CCNB3: variants seen among roughly 807,000 people sequenced by gnomAD.
The protein encoded by CCNB3 is cyclin B3.
Under a neutral mutation model 68.0 loss-of-function variants are expected in CCNB3, and 12 were observed. The observed-to-expected ratio is 0.18, with a 90% CI of 0.11 to 0.29. The LOEUF (loss-of-function observed/expected upper bound fraction) is 0.29. CCNB3 is among the 10% of genes least tolerant of loss of function. The pLI, the probability that CCNB3 is intolerant of heterozygous loss-of-function variation, is 1.00. For synonymous variants in CCNB3, 354 were observed against 388.9 expected (o/e 0.91, Z 1.06); for missense variants, 904 against 993.1 (o/e 0.91, Z 1.21).
At chrX:50,203,928 T>C, upstream of CCNB3, among the ~76,000 whole-genome samples, 1 of 111,384 alleles carries the variant, frequency 9.0e-6, no homozygotes, top group Non-Finnish European at 1.9e-5. Flanking sequence ...GTCAGGCTCT[T>C]CCCTTTTATA....
intron 5 of CCNB3, among the ~76,000 whole-genome samples, chrX:50,305,772 C>G (rs868912062): frequency 1.3e-5 from 1 of 77,193 alleles, no homozygotes; most frequent in Non-Finnish European, 2.4e-5. Context: ...TTTTTTCTTT[C>G]TTTCTTTTTT....
intron 5 of CCNB3, among the ~76,000 whole-genome samples, chrX:50,301,423 T>A (rs1936630054): frequency 8.9e-6 from 1 of 112,053 alleles, no homozygotes; most frequent in African/African-American, 3.2e-5. Context: ...TGCCTGGGTA[T>A]CAGCAGCGGT....
rs982715275 is a variant in CCNB3 at position 50,280,331 on chromosome X, A to G, written c.-112-4211A>G. ...ATATATAGAATATAGATTTAAATATACCTATATTCTAGTTCCTGGCACAAA... is the reference window on the plus strand; with the variant it reads ...ATATATAGAATATAGATTTAAATATGCCTATATTCTAGTTCCTGGCACAAA... On this transcript the variant is annotated intron_variant, in intron 1 of 12. Coordinates refer to ENST00000376042, the MANE Select transcript of CCNB3 (RefSeq NM_033031.3). 4.5e-4 allele frequency among the ~76,000 whole-genome samples: 46 copies of G among 102,247 alleles called. No individual in the cohort carries two copies. The South Asian group carries it at 0.019, about 41-fold the overall frequency. The allele number at this position is 102,247 out of a possible 115,157, so 88.8% of individuals were successfully genotyped here. A position where few individuals can be genotyped will look rare whatever the true frequency, so the allele number is the denominator to read the frequency against.
chrX:50,288,922 T>G (rs1557209747), intron 4 of CCNB3, 35 bp downstream of exon 4: 1 of 961,710 alleles, frequency 1.0e-6, no homozygotes, highest in Non-Finnish European at 1.5e-6. Context: ...GCTATGGTTT[T>G]GCATAAGGCT....
At chrX:50,279,862 C>G (rs1250925529) in intron 1 of CCNB3, among the ~76,000 whole-genome samples, 2 of 79,733 alleles carry the variant, frequency 2.5e-5, no homozygotes, top group Admixed American at 1.8e-4. Flanking sequence ...AATATATATA[C>G]TATATATAAA....
intron 8 of CCNB3, among the ~76,000 whole-genome samples, chrX:50,325,066 C>T (rs1385480395): frequency 9.0e-6 from 1 of 111,159 alleles, no homozygotes; most frequent in African/African-American, 3.3e-5. Context: ...CACTGAAGAA[C>T]TGTATTCTCT....
chrX:50,228,032 A>G, intron 1 of CCNB3, among the ~76,000 whole-genome samples: 1 of 88,202 alleles, frequency 1.1e-5, no homozygotes, highest in South Asian at 5.1e-4. Context: ...GAGAATATAT[A>G]TAGAGAGAAT....
At chrX:50,340,421 A>T (rs1012291102) in intron 8 of CCNB3, among the ~76,000 whole-genome samples, 7 of 112,732 alleles carry the variant, frequency 6.2e-5, no homozygotes, top group Non-Finnish European at 1.1e-4. Context: ...ATAAGGACAG[A>T]TTTTATTCTC....
chrX:50,292,214 C>T (rs1252541827), intron 4 of CCNB3, among the ~76,000 whole-genome samples: 1 of 110,636 alleles, frequency 9.0e-6, no homozygotes, highest in Non-Finnish European at 1.9e-5. Flanking sequence ...GTCAGTTGAC[C>T]TTATAACAAC....
At chrX:50,319,718 A>G (rs1021171338) in intron 8 of CCNB3, among the ~76,000 whole-genome samples, 2 of 111,996 alleles carry the variant, frequency 1.8e-5, no homozygotes, top group Non-Finnish European at 3.8e-5. Context: ...GACTTTAACT[A>G]TTAGTGTGAT....
rs139254834 is a variant in CCNB3 at position 50,310,254 on chromosome X, C to G, written c.2085C>G (p.Val695=). The part of the protein sequence containing the change: ...KSGSLFQEAL[V]LQEKTDAEED... ...GGTCCCTCTTCCAGGAGGCTTTGGT[C>G]TTGCAAGAGAAGACTGATGCCGAAG... The change falls in exon 6 of 13, where the codon GTC becomes GTG. Residue 695 remains valine (V), a synonymous_variant. Coordinates refer to ENST00000376042, the MANE Select transcript of CCNB3 (RefSeq NM_033031.3). The G allele has an allele frequency of 4.6e-5, 56 of 1,209,433 alleles. No individual in the cohort carries two copies. Among genetic ancestry groups the G allele is most frequent in the Non-Finnish European group, 8.9e-6 (8 of 894,768 alleles).
chrX:50,341,878 G>A (rs782643158), intron 8 of CCNB3: 1 of 188,934 alleles, frequency 5.3e-6, no homozygotes, highest in Non-Finnish European at 9.7e-6. Context: ...GGCAGCAAAT[G>A]GAGAAAGCAA....
At chrX:50,226,190 A>AATATATATAGACTATATATATTT (rs1935768861) in intron 1 of CCNB3, among the ~76,000 whole-genome samples, 3 of 28,647 alleles carry the variant, frequency 1.0e-4, no homozygotes, top group Non-Finnish European at 1.5e-4. Context: ...TAGATATATA[A>AATATATATAGACTATATATATTT]ATATATATAG....
At chrX:50,326,449 C>A (rs1242088638) in intron 8 of CCNB3, among the ~76,000 whole-genome samples, 3 of 111,329 alleles carry the variant, frequency 2.7e-5, no homozygotes, top group Non-Finnish European at 5.7e-5. Flanking sequence ...CATTATTACC[C>A]GTCTTCCTTT....
intron 1 of CCNB3, among the ~76,000 whole-genome samples, chrX:50,226,742 A>G (rs1323822685): frequency 7.4e-5 from 6 of 80,670 alleles, no homozygotes; most frequent in Non-Finnish European, 1.1e-4. Context: ...GAATATGTAC[A>G]TAGAATATAC....
Position 50,287,772 on chromosome X carries a change from A to G in CCNB3, c.97-1008A>G, listed in dbSNP as rs782396930. 2.7e-5 allele frequency among the ~76,000 whole-genome samples: 3 copies of G among 110,633 alleles called. No homozygotes were observed. In the South Asian group the frequency reaches 1.2e-3, roughly 44 times the overall value. On this transcript the variant is annotated intron_variant, in intron 3 of 12. Transcript: ENST00000376042. ...TAATGTCTTTTAAAACGGGTCCCCA[A>G]CCCCTGGGCCATGGACCAGTACTAG...
chrX:50,206,687 T>A (rs1935371838), intron 1 of CCNB3, among the ~76,000 whole-genome samples: 1 of 109,719 alleles, frequency 9.1e-6, no homozygotes, highest in Non-Finnish European at 1.9e-5. Context: ...GGTGGGAGTA[T>A]TGCTTGAAGG....
At chrX:50,217,586 T>C (rs1935599197) in intron 1 of CCNB3, among the ~76,000 whole-genome samples, 1 of 111,281 alleles carries the variant, frequency 9.0e-6, no homozygotes, top group Non-Finnish European at 1.9e-5. Context: ...TTCCCTTCAC[T>C]GTTGAAGGAT....
intron 1 of CCNB3, among the ~76,000 whole-genome samples, chrX:50,279,638 G>T (rs1352895654): frequency 1.3e-5 from 1 of 74,213 alleles, no homozygotes; most frequent in Non-Finnish European, 2.8e-5. Context: ...GTAAATATAT[G>T]AATATGTACA....
Sources: allele counts gnomAD v4.1 joint callset (sites outside exome capture counted in the v4.1 genomes callset), GRCh38; gene constraint gnomAD v4.1.1; transcripts MANE v1.5; gene names NCBI Gene and HGNC (gene_info 2026-07-23, HGNC 2026-07-21).